Variants in PPIP5K1 observed in about 807,000 individuals in gnomAD.
PPIP5K1 encodes the protein inositol hexakisphosphate and diphosphoinositol-pentakisphosphate kinase 1.
A neutral mutation model predicts 27.7 loss-of-function variants in PPIP5K1; 6 were observed. That is an observed-to-expected ratio of 0.22 (90% CI 0.12 to 0.43). The LOEUF is 0.43. PPIP5K1 is among the 20% of genes least tolerant of loss of function. PPIP5K1 has a pLI of 1.00. For synonymous variants in PPIP5K1, 145 were observed against 242.6 expected (o/e 0.60, Z 3.74); for missense variants, 394 against 635.4 (o/e 0.62, Z 4.08).
intron 30 of PPIP5K1, among the ~76,000 whole-genome samples, chr15:43,540,864 A>G (rs1156903436): frequency 6.8e-6 from 1 of 147,760 alleles, no homozygotes; most frequent in Admixed American, 6.7e-5. Context: ...TCTGTCTCAA[A>G]AAAAAAAAAA....
At chr15:43,552,010 A>G (rs1245925761) in intron 30 of PPIP5K1, among the ~76,000 whole-genome samples, 3 of 151,488 alleles carry the variant, frequency 2.0e-5, no homozygotes, top group Non-Finnish European at 4.4e-5. Flanking sequence ...CTGGAATGCA[A>G]TGGTACAATC....
chr15:43,558,616 C>T (rs1226288539), intron 30 of PPIP5K1, among the ~76,000 whole-genome samples, 179 bp downstream of exon 30: 1 of 152,162 alleles, frequency 6.6e-6, no homozygotes, highest in Non-Finnish European at 1.5e-5. Flanking sequence ...CTCGGCCTCC[C>T]AAAGTGCTGG....
In PPIP5K1 at chr15:43,539,571, GA is replaced by G; in HGVS notation, c.3568del (p.Ser1190ProfsTer54). ...ATCTGAGGCCTGGCTGCTGTGCATGGAATCAAAGAGGGCTGGAAAGGAGGTA... is the reference window on the plus strand; with the variant it reads ...ATCTGAGGCCTGGCTGCTGTGCATGGATCAAAGAGGGCTGGAAAGGAGGTA... ...QAQASAALFD[S>X]MHSSQASDNP... is the part of the protein sequence containing the mutation. On this transcript the variant is annotated frameshift_variant, in exon 31 of 32. Transcript: ENST00000420765. LOFTEE classifies it high-confidence loss of function. 6.3e-7 allele frequency: 1 copy of G among 1,593,806 alleles called. No individual in the cohort carries two copies. The highest frequency in any genetic ancestry group is 2.2e-5 in the East Asian group (1 of 44,772).
intron 31 of PPIP5K1, 49 bp from the exon 32 acceptor site, chr15:43,535,525 CT>C: frequency 7.1e-7 from 1 of 1,414,804 alleles, no homozygotes; most frequent in Non-Finnish European, 9.6e-7. Context: ...GAAGAGTAGG[CT>C]CTACCCTGTG....
rs371030578 is a variant in PPIP5K1 at position 43,534,795 on chromosome 15, G to A, written c.4352C>T (p.Ala1451Val). 1.9e-6 allele frequency: 3 copies of A among 1,598,330 alleles called. No homozygotes were observed. Among genetic ancestry groups the A allele is most frequent in the Non-Finnish European group, 2.6e-6 (3 of 1,172,634 alleles). ...CAGATTGATCGCAGAAGTCTCCTGG[G>A]CCAGCCTGCCAACCTCCACAGAGAA... ...QEFSVEVGRL[A>V]QETSAINLLS... Residue 1451 changes from alanine to valine, a missense_variant, in exon 32 of 32, where the codon GCC (alanine) becomes GTC (valine). By Grantham distance (64) the Ala-to-Val change is moderately conservative (BLOSUM62 0). Around this residue, in one of 4 missense-constraint regions of PPIP5K1, gnomAD observed 379 missense variants for 423.9 expected, o/e 0.89. Transcript: ENST00000420765.
chr15:43,549,798 C>A (rs2081965300), intron 30 of PPIP5K1, among the ~76,000 whole-genome samples: 1 of 151,990 alleles, frequency 6.6e-6, no homozygotes, highest in Non-Finnish European at 1.5e-5. Context: ...TGGCAAAACC[C>A]CATCTCTACA....
chr15:43,542,325 T>C (rs1045435359), intron 30 of PPIP5K1, among the ~76,000 whole-genome samples: 1 of 150,320 alleles, frequency 6.7e-6, no homozygotes, highest in African/African-American at 2.5e-5. Flanking sequence ...AGAGTCTTGC[T>C]CTGTCACCCA....
chr15:43,535,367 G>A lies in PPIP5K1; in HGVS notation c.3780C>T (p.His1260=), dbSNP rs142076434. Residue 1260 remains histidine, a synonymous_variant, in exon 32 of 32, where the codon CAC becomes CAT. Coordinates refer to ENST00000420765, the MANE Select transcript of PPIP5K1 (RefSeq NM_001394395.1). ...GFSDQPSLNS[H]VAEEHQGLGL... is the part of the protein sequence containing the mutation. ...CAAGGCCTTGATGTTCTTCAGCCAC[G>A]TGTGAATTTAGGGAGGGTTGATCAC... is the stretch of plus-strand genomic sequence containing the variant. 85 of 1,614,156 alleles carry A rather than the reference G, an allele frequency of 5.3e-5. No homozygotes were observed. Among genetic ancestry groups the A allele is most frequent in the South Asian group, 8.8e-5 (8 of 91,080 alleles).
chr15:43,540,508 C>G (rs1453584693), intron 30 of PPIP5K1, among the ~76,000 whole-genome samples: 1 of 151,720 alleles, frequency 6.6e-6, no homozygotes, highest in Non-Finnish European at 1.5e-5. Flanking sequence ...ACCAGCCTGA[C>G]CAACATGGTG....
chr15:43,545,331 T>C (rs1206186385), intron 30 of PPIP5K1, among the ~76,000 whole-genome samples: 1 of 152,156 alleles, frequency 6.6e-6, no homozygotes, highest in African/African-American at 2.4e-5. Flanking sequence ...CAAGAGAGTA[T>C]ATTGTCAAAC....
In PPIP5K1 at chr15:43,545,034, C is replaced by T. The variant is rs1035477693; in HGVS notation, c.3557-5451G>A. ...CCTACTAAAAATACAAATAATTAGCCGGGTGTAGTGGTGGGCGCCTGTAGT... is the reference window on the plus strand; with the variant it reads ...CCTACTAAAAATACAAATAATTAGCTGGGTGTAGTGGTGGGCGCCTGTAGT... On this transcript the variant is annotated intron_variant, in intron 30 of 31. Transcript: ENST00000420765. 2.6e-5 allele frequency among the ~76,000 whole-genome samples: 4 copies of T among 151,424 alleles called. No homozygotes were observed. The East Asian group carries it at 7.8e-4, about 30-fold the overall frequency.
intron 30 of PPIP5K1, among the ~76,000 whole-genome samples, chr15:43,544,006 G>A (rs1457992961): frequency 1.3e-5 from 2 of 151,676 alleles, no homozygotes; most frequent in Non-Finnish European, 2.9e-5. Context: ...ATACAGTTAG[G>A]GTCATTTCTT....
At chr15:43,546,086 T>C (rs1365757024) in intron 30 of PPIP5K1, among the ~76,000 whole-genome samples, 1 of 152,170 alleles carries the variant, frequency 6.6e-6, no homozygotes, top group East Asian at 1.9e-4. Flanking sequence ...CTGCTTTCCG[T>C]CTCTATGGAT....
intron 30 of PPIP5K1, among the ~76,000 whole-genome samples, chr15:43,546,654 ATTTTTTTTTTTT>A (rs58966502): frequency 4.7e-5 from 5 of 106,542 alleles, no homozygotes; most frequent in South Asian, 6.1e-4. Context: ...CCTGTTTTCA[ATTTTTTTTTTTT>A]TTTTTTTTTT....
intron 31 of PPIP5K1, among the ~76,000 whole-genome samples, chr15:43,537,597 G>T (rs2080060088): frequency 6.9e-6 from 1 of 145,412 alleles, no homozygotes; most frequent in Non-Finnish European, 1.5e-5. Context: ...GCTGAGGTAG[G>T]AGAATCACTT....
At chr15:43,586,221 GA>G (rs1162726586) in intron 1 of PPIP5K1, among the ~76,000 whole-genome samples, 11 of 3,382 alleles carry the variant, frequency 3.3e-3, no homozygotes, top group African/African-American at 7.9e-3. Flanking sequence ...GTTTCAAAAG[GA>G]AAAAAAAAAA....
intron 30 of PPIP5K1, among the ~76,000 whole-genome samples, chr15:43,558,121 G>C (rs927271933): frequency 2.7e-5 from 4 of 150,038 alleles, no homozygotes; most frequent in East Asian, 3.9e-4. Flanking sequence ...GAGTGCAGTG[G>C]TGCGATCTTG....
Position 43,558,949 on chromosome 15 carries a change from G to T in PPIP5K1, c.3419-17C>A. The T allele has an allele frequency of 1.9e-6, 3 of 1,612,184 alleles. No individual in the cohort carries two copies. Among genetic ancestry groups the T allele is most frequent in the South Asian group, 1.1e-5 (1 of 91,002 alleles). ...CTTCAAACCCTGTTTGAAAAGAGAT[G>T]GGCAAAGTCAATGTTACTCCTGCCA... On this transcript the variant is annotated splice_polypyrimidine_tract_variant and intron_variant, in intron 29 of 31. Transcript: ENST00000420765.
intron 31 of PPIP5K1, among the ~76,000 whole-genome samples, chr15:43,538,558 A>T (rs2080220646): frequency 6.6e-6 from 1 of 150,518 alleles, no homozygotes; most frequent in Non-Finnish European, 1.5e-5. Flanking sequence ...ACGGAGTCTC[A>T]CTTTGTTGCC....
Sources: gnomAD v4.1 joint callset for allele counts (sites outside exome capture counted in the v4.1 genomes callset) on GRCh38, gnomAD v4.1.1 for gene constraint, gnomAD v4.1.1 regional missense constraint, MANE v1.5 for transcripts, NCBI Gene and HGNC (gene_info 2026-07-23, HGNC 2026-07-21) for gene names.